Variants in ITCH observed in about 807,000 individuals in gnomAD.
ITCH encodes itchy E3 ubiquitin protein ligase.
In ITCH, 28 loss-of-function variants were observed where a neutral mutation model predicts 126.8. The observed-to-expected ratio is 0.22, with a 90% CI of 0.16 to 0.30. The LOEUF is 0.30. ITCH is among the 10% of genes least tolerant of loss of function. The probability of loss-of-function intolerance (pLI) is 1.00; values close to 1 mark genes in which losing one functional copy is unlikely to be tolerated. For missense variants in ITCH, 631 were observed against 1,032.4 expected (o/e 0.61, Z 5.33); for synonymous variants, 342 against 340.0 (o/e 1.01, Z -0.06).
chr20:34,490,558 A>G (rs1479346570), intron 22 of ITCH, among the ~76,000 whole-genome samples: 3 of 152,140 alleles, frequency 2.0e-5, no homozygotes, highest in African/African-American at 7.2e-5. Flanking sequence ...CAGGAGAATC[A>G]CTTGAACCTG....
chr20:34,487,889 A>G (rs575888920), intron 20 of ITCH, among the ~76,000 whole-genome samples: 28 of 152,358 alleles, frequency 1.8e-4, no homozygotes, highest in African/African-American at 6.5e-4. Flanking sequence ...CAGTAAGTCG[A>G]GATCACGCCA....
intron 14 of ITCH, 104 bp from the exon 15 acceptor site, chr20:34,469,944 A>T: frequency 1.2e-6 from 1 of 847,480 alleles, no homozygotes; most frequent in South Asian, 1.3e-5. Flanking sequence ...ATATTTTTGA[A>T]TTTGGTTAGT....
intron 3 of ITCH, among the ~76,000 whole-genome samples, chr20:34,396,193 G>A (rs1349468603): frequency 2.0e-5 from 3 of 151,560 alleles, no homozygotes; most frequent in Non-Finnish European, 2.9e-5. Flanking sequence ...ACAACCATGT[G>A]TAGCTAATTT....
intron 8 of ITCH, 36 bp downstream of exon 8, chr20:34,438,667 T>C (rs116524084): frequency 2.5e-6 from 4 of 1,610,318 alleles, no homozygotes; most frequent in East Asian, 2.2e-5. Context: ...TTGGAAATAA[T>C]GTCCTGGTTG....
chr20:34,363,812 C>T (rs1568841096), intron 1 of ITCH, among the ~76,000 whole-genome samples: 1 of 152,226 alleles, frequency 6.6e-6, no homozygotes, highest in Middle Eastern at 3.4e-3. Flanking sequence ...CGAGACTTTT[C>T]CGAGCCCCCA....
At chr20:34,427,867 CTTGT>C (rs1478549043) in intron 7 of ITCH, among the ~76,000 whole-genome samples, 11 of 152,040 alleles carry the variant, frequency 7.2e-5, no homozygotes, top group East Asian at 5.8e-4. Context: ...TGTGTTGTTG[CTTGT>C]TTGTTTTCTG....
intron 2 of ITCH, among the ~76,000 whole-genome samples, chr20:34,380,605 C>CTTTTTTTTTTTTTTTTTT (rs35848431): frequency 2.9e-5 from 2 of 69,270 alleles, no homozygotes; most frequent in Non-Finnish European, 5.2e-5. Context: ...TTAATGATGT[C>CTTTTTTTTTTTTTTTTTT]TTTTTTTTTT....
intron 2 of ITCH, among the ~76,000 whole-genome samples, chr20:34,369,993 T>C (rs2037558515): frequency 6.6e-6 from 1 of 151,256 alleles, no homozygotes; most frequent in African/African-American, 2.4e-5. Flanking sequence ...TAATCCTAGC[T>C]GATTGGGAGG....
At position 34,448,938 on chromosome 20, in the gene ITCH, G is replaced by A. The variant is rs927856279; in HGVS notation, c.1141-473G>A. On this transcript the variant is annotated intron_variant, in intron 11 of 24. Coordinates refer to ENST00000374864, the MANE Select transcript of ITCH (RefSeq NM_031483.7). The stretch of plus-strand genomic sequence containing the variant: ...AACCTTTCCTTCCACTCATCTGGCA[G>A]CCCACTCTTCCTGTTCCCCCAACTC... 5.9e-5 allele frequency among the ~76,000 whole-genome samples: 9 copies of A among 152,008 alleles called. No homozygotes were observed. In the East Asian group the frequency reaches 1.7e-3, roughly 29 times the overall value.
intron 23 of ITCH, among the ~76,000 whole-genome samples, chr20:34,502,395 T>TA (rs200271713): frequency 3.6e-3 from 517 of 143,558 alleles, no homozygotes; most frequent in African/African-American, 7.3e-3. Flanking sequence ...CCCTGTGTCT[T>TA]AAAAAAAAAA....
intron 6 of ITCH, among the ~76,000 whole-genome samples, chr20:34,415,849 C>T (rs961055557): frequency 1.3e-5 from 2 of 152,100 alleles, no homozygotes; most frequent in South Asian, 2.1e-4. Flanking sequence ...AATTGCTGGA[C>T]GCGGTGGCTC....
intron 20 of ITCH, among the ~76,000 whole-genome samples, chr20:34,484,566 G>A (rs1988979882): frequency 6.6e-6 from 1 of 152,162 alleles, no homozygotes; most frequent in Non-Finnish European, 1.5e-5. Context: ...TCCAAGAGAT[G>A]TACTACGTTT....
intron 20 of ITCH, among the ~76,000 whole-genome samples, chr20:34,484,049 G>GC (rs1568993286): frequency 2.6e-5 from 4 of 152,008 alleles, no homozygotes; most frequent in Admixed American, 2.0e-4. Flanking sequence ...AGAAAGGCCC[G>GC]CCCCCATGAT....
At chr20:34,374,125 G>A (rs918680439) in intron 2 of ITCH, among the ~76,000 whole-genome samples, 45 of 151,942 alleles carry the variant, frequency 3.0e-4, no homozygotes, top group Non-Finnish European at 6.2e-4. Context: ...ATTTTTTTAA[G>A]ACAAGATAAG....
intron 12 of ITCH, among the ~76,000 whole-genome samples, chr20:34,454,928 C>G (rs1401828041): frequency 1.4e-5 from 2 of 145,602 alleles, no homozygotes. Context: ...CTCCCGGGTT[C>G]AAGCGATTCT....
At chr20:34,445,189 C>A in intron 10 of ITCH, 98 bp from the exon 11 acceptor site, 1 of 1,268,634 alleles carries the variant, frequency 7.9e-7, no homozygotes, top group Non-Finnish European at 1.1e-6. Context: ...TAAAAGACTC[C>A]AGATAAATCA....
intron 24 of ITCH, among the ~76,000 whole-genome samples, chr20:34,507,125 T>C (rs1990664623): frequency 6.6e-6 from 1 of 152,186 alleles, no homozygotes; most frequent in South Asian, 2.1e-4. Flanking sequence ...CATGTAGTAA[T>C]TCTATTTTTA....
rs566823234 is a variant in ITCH, at chr20:34,497,101, A to T, written c.2416+4504A>T. 2.0e-5 allele frequency among the ~76,000 whole-genome samples: 3 copies of T among 151,902 alleles called. No individual in the cohort carries two copies. In the East Asian group the frequency reaches 5.9e-4, roughly 30 times the overall value. On this transcript the variant is annotated intron_variant, in intron 23 of 24. Coordinates refer to ENST00000374864, the MANE Select transcript of ITCH (RefSeq NM_031483.7). The stretch of plus-strand genomic sequence containing the variant: ...AACCTCCGCCTCCCAGGATCAAGCA[A>T]TTCTCTTGCCTTAGCCTCCTGAGTA...
In ITCH at chr20:34,464,395, C is replaced by T. The variant is rs6059854; in HGVS notation, c.1424+2174C>T. ...GCCCAGGAGTGCAATGGTGCGATCT[C>T]GGCTCACCACAACTTCTGCCTCCTG... On this transcript the variant is annotated intron_variant, in intron 14 of 24. Coordinates refer to ENST00000374864, the MANE Select transcript of ITCH (RefSeq NM_031483.7). Among the ~76,000 whole-genome samples, 53 of 149,422 alleles carry T rather than the reference C, an allele frequency of 3.5e-4. 1 individual carries two copies. Among genetic ancestry groups the T allele is most frequent in the South Asian group, 1.5e-3 (7 of 4,770 alleles).
Sources: allele counts gnomAD v4.1 joint callset (sites outside exome capture counted in the v4.1 genomes callset), GRCh38; gene constraint gnomAD v4.1.1; transcripts MANE v1.5; gene names NCBI Gene and HGNC (gene_info 2026-07-23, HGNC 2026-07-21).